The following CENPW variants were observed in gnomAD, a reference collection of about 807,000 sequenced individuals.
The protein encoded by CENPW is cancer-up-regulated gene 2 protein.
In CENPW, 3 loss-of-function variants were observed where a neutral mutation model predicts 11.1. The ratio of observed to expected loss-of-function variants is 0.27; its 90% CI spans 0.12 to 0.70. The LOEUF (loss-of-function observed/expected upper bound fraction) is 0.70, where lower values mean the gene tolerates loss of function less well. Ranked by LOEUF, CENPW falls within the 30% of genes least tolerant of loss-of-function variation. The pLI is 0.77. For missense variants in CENPW, 100 were observed against 105.6 expected, an observed-to-expected ratio of 0.95 and a Z score of 0.23; for synonymous variants, 38 against 42.0, an observed-to-expected ratio of 0.91 and a Z score of 0.37.
chr6:126,389,951 TTATGA>T, the CENPW span, among the ~76,000 whole-genome samples: 2 of 151,896 alleles, frequency 1.3e-5, no homozygotes, highest in African/African-American at 4.8e-5. Context: ...CAAATGCAAG[TTATGA>T]TATATGTGTG....
At chr6:126,395,600 AT>A in the CENPW span, among the ~76,000 whole-genome samples, 1 of 151,886 alleles carries the variant, frequency 6.6e-6, no homozygotes, top group African/African-American at 2.4e-5. Flanking sequence ...AGGCTTGCAG[AT>A]TTTTTTTATA....
At chr6:126,407,125 A>G in the CENPW span, among the ~76,000 whole-genome samples, 1 of 152,020 alleles carries the variant, frequency 6.6e-6, no homozygotes, top group Non-Finnish European at 1.5e-5. Context: ...CTTGTTCCCC[A>G]TTATGTGTCT....
the CENPW span, among the ~76,000 whole-genome samples, chr6:126,463,216 A>G: frequency 6.6e-6 from 1 of 152,022 alleles, no homozygotes; most frequent in Non-Finnish European, 1.5e-5. Flanking sequence ...AGAAGACTAA[A>G]GCCCTGGATG....
chr6:126,412,880 G>A, the CENPW span, among the ~76,000 whole-genome samples: 1 of 151,972 alleles, frequency 6.6e-6, no homozygotes, highest in South Asian at 2.1e-4. Flanking sequence ...TATTGTATTT[G>A]TTAACACAGA....
the CENPW span, among the ~76,000 whole-genome samples, chr6:126,402,480 T>C: frequency 6.6e-6 from 1 of 151,956 alleles, no homozygotes; most frequent in South Asian, 2.1e-4. Flanking sequence ...ATAAACCCCT[T>C]ACCCATTAGC....
the CENPW span, among the ~76,000 whole-genome samples, chr6:126,404,474 G>A: frequency 6.6e-6 from 1 of 152,034 alleles, no homozygotes; most frequent in East Asian, 1.9e-4. Context: ...GTAAACACGG[G>A]AGTGCAGATA....
At chr6:126,417,784 T>TA in the CENPW span, among the ~76,000 whole-genome samples, 3 of 152,220 alleles carry the variant, frequency 2.0e-5, no homozygotes, top group African/African-American at 7.2e-5. Context: ...AATGGACTAA[T>TA]ACATTTGGTA....
chr6:126,473,794 A>T, the CENPW span, among the ~76,000 whole-genome samples: 1 of 150,626 alleles, frequency 6.6e-6, no homozygotes, highest in Non-Finnish European at 1.5e-5. Context: ...GATATATAGA[A>T]TATATATGCA....
the CENPW span, among the ~76,000 whole-genome samples, chr6:126,363,502 G>A: frequency 1.3e-5 from 2 of 152,150 alleles, no homozygotes; most frequent in Non-Finnish European, 2.9e-5. Context: ...CACCTCTTTA[G>A]GCATTTGAGT....
the CENPW span, among the ~76,000 whole-genome samples, chr6:126,483,045 A>T: frequency 4.6e-5 from 7 of 152,014 alleles, no homozygotes; most frequent in African/African-American, 1.4e-4. Flanking sequence ...AAGCCTTGCA[A>T]TGTTTCTATA....
chr6:126,373,332 C>T, the CENPW span, among the ~76,000 whole-genome samples: 1 of 152,116 alleles, frequency 6.6e-6, no homozygotes, highest in African/African-American at 2.4e-5. Flanking sequence ...AAGAAGTTTA[C>T]AATTTGAACA....
chr6:126,381,334 C>T, the CENPW span, among the ~76,000 whole-genome samples: 1 of 152,130 alleles, frequency 6.6e-6, no homozygotes, highest in South Asian at 2.1e-4. Context: ...AGAACCTTAG[C>T]CTTGGGCCTC....
At chr6:126,480,005 C>G in the CENPW span, among the ~76,000 whole-genome samples, 5 of 152,046 alleles carry the variant, frequency 3.3e-5, no homozygotes, top group East Asian at 9.7e-4. Context: ...TGACCTTCCA[C>G]CATGCATGGA....
the CENPW span, among the ~76,000 whole-genome samples, chr6:126,359,314 T>A: frequency 5.3e-5 from 8 of 152,008 alleles, no homozygotes; most frequent in African/African-American, 9.7e-5. Context: ...TTTTTTTTTT[T>A]AATTTATTGA....
At chr6:126,385,933 G>A in the CENPW span, among the ~76,000 whole-genome samples, 1 of 152,176 alleles carries the variant, frequency 6.6e-6, no homozygotes, top group South Asian at 2.1e-4. Flanking sequence ...TGAAAAGAAG[G>A]AGGAGAAGAG....
chr6:126,423,509 A>G, the CENPW span, among the ~76,000 whole-genome samples: 3 of 152,130 alleles, frequency 2.0e-5, no homozygotes, highest in African/African-American at 7.2e-5. Context: ...TGATTTAGAC[A>G]ATTTTAATAA....
At chr6:126,377,375 T>C in the CENPW span, among the ~76,000 whole-genome samples, 2 of 152,196 alleles carry the variant, frequency 1.3e-5, no homozygotes, top group Non-Finnish European at 2.9e-5. Context: ...TGACTTAGAT[T>C]TGTGGTGCTG....
At chr6:126,473,518 G>C in the CENPW span, among the ~76,000 whole-genome samples, 1 of 151,874 alleles carries the variant, frequency 6.6e-6, no homozygotes, top group Non-Finnish European at 1.5e-5. Context: ...GATCATCTGT[G>C]GTCAGGAGTT....
the CENPW span, among the ~76,000 whole-genome samples, chr6:126,361,903 C>G: frequency 2.0e-5 from 3 of 152,204 alleles, no homozygotes; most frequent in Non-Finnish European, 4.4e-5. Context: ...CAGCTCAGTA[C>G]TCCAGAGCTG....
Sources: gnomAD v4.1 joint callset for allele counts (sites outside exome capture counted in the v4.1 genomes callset) on GRCh38, gnomAD v4.1.1 for gene constraint, MANE v1.5 for transcripts, NCBI Gene and HGNC (gene_info 2026-07-23, HGNC 2026-07-21) for gene names.